Variants in NFIB observed in about 807,000 individuals in gnomAD.
NFIB encodes the protein nuclear factor 1 B-type.
NFIB carries 11 observed loss-of-function variants against 61.5 expected under a neutral mutation model. The observed-to-expected ratio is 0.18, with a 90% CI of 0.11 to 0.30. The LOEUF (loss-of-function observed/expected upper bound fraction) is 0.30, where lower values mean the gene tolerates loss of function less well. Among genes scored for constraint, NFIB ranks in the 10% least tolerant of loss-of-function variants. The probability of loss-of-function intolerance (pLI) is 1.00; values close to 1 mark genes in which losing one functional copy is unlikely to be tolerated. For missense variants in NFIB, 471 were observed against 608.9 expected (o/e 0.77, Z 2.38); for synonymous variants, 260 against 216.5 (o/e 1.20, Z -1.76).
At chr9:14,308,245 C>T (rs765866670) in intron 1 of NFIB, among the ~76,000 whole-genome samples, 4 of 152,130 alleles carry the variant, frequency 2.6e-5, no homozygotes, top group Admixed American at 1.3e-4. Flanking sequence ...GGACACAGCT[C>T]GTCGTATCAG....
rs958394596 is a variant in NFIB, at chr9:14,088,039, G to T, written c.*270C>A. On this transcript the variant is annotated 3_prime_UTR_variant, in exon 11 of 11. Transcript: ENST00000380953. ...TGTCATTACAGTTTCAACCTTAAGG[G>T]AATTAGTGATTGTAAGTGCTGCAAT... The T allele has an allele frequency of 1.7e-6, 1 of 577,632 alleles. No individual in the cohort carries two copies. 35.8% of individuals were successfully genotyped at this position (577,632 alleles called of 1,614,324 possible).
the NFIB span, among the ~76,000 whole-genome samples, chr9:14,509,024 G>C: frequency 6.6e-6 from 1 of 152,190 alleles, no homozygotes; most frequent in East Asian, 1.9e-4. Flanking sequence ...CCAGGAAATG[G>C]AATACATTCT....
Position 14,313,969 on chromosome 9 carries a change from C to T in NFIB, c.-458G>A. Reference sequence around the variant, plus strand: ...GCGGGGAGGGGGGCGCGGGAGGGCGCAGGAGGGCGAGCGGGCGGGCGGGAG... The same window carrying T: ...GCGGGGAGGGGGGCGCGGGAGGGCGTAGGAGGGCGAGCGGGCGGGCGGGAG... On this transcript the variant is annotated 5_prime_UTR_variant, in exon 1 of 11. Transcript: ENST00000380953. This position sits in a 1 kb window ranked among gnomAD's most constrained non-coding sequence, Gnocchi z 4.5. 4 of 745,804 alleles carry T rather than the reference C, an allele frequency of 5.4e-6. No individual in the cohort carries two copies. Among genetic ancestry groups the T allele is most frequent in the Non-Finnish European group, 5.9e-6 (4 of 672,760 alleles). 46.2% of individuals were successfully genotyped at this position (745,804 alleles called of 1,614,324 possible).
At chr9:14,170,875 C>A (rs565894437) in intron 3 of NFIB, among the ~76,000 whole-genome samples, 1 of 152,150 alleles carries the variant, frequency 6.6e-6, no homozygotes, top group South Asian at 2.1e-4. Flanking sequence ...TGCAAGCCCT[C>A]TTGGAAGTTT....
At chr9:14,216,534 CTCTCTCTCCCTCTG>C (rs2050920767) in intron 2 of NFIB, among the ~76,000 whole-genome samples, 20 of 34,566 alleles carry the variant, frequency 5.8e-4, no homozygotes, top group African/African-American at 1.7e-3. Context: ...CTCTCTCTCT[CTCTCTCTCCCTCTG>C]TGTGTGTGTG....
intron 2 of NFIB, among the ~76,000 whole-genome samples, chr9:14,294,321 A>G (rs1387054230): frequency 6.6e-6 from 1 of 152,226 alleles, no homozygotes; most frequent in Non-Finnish European, 1.5e-5. Flanking sequence ...AGAAATATGC[A>G]AGCATCTCTG....
chr9:14,407,193 TAATGC>T, the NFIB span, among the ~76,000 whole-genome samples: 23 of 152,194 alleles, frequency 1.5e-4, no homozygotes, highest in Non-Finnish European at 2.5e-4. Flanking sequence ...TTAGGTTAAA[TAATGC>T]CCTTAGGATA....
chr9:14,150,118 G>T, intron 5 of NFIB, 27 bp downstream of exon 5: 1 of 1,612,728 alleles, frequency 6.2e-7, no homozygotes, highest in Non-Finnish European at 8.5e-7. Context: ...TATCACTTGA[G>T]AATATGAGCA....
the NFIB span, among the ~76,000 whole-genome samples, chr9:14,475,607 T>C: frequency 1.3e-5 from 2 of 152,022 alleles, no homozygotes; most frequent in Non-Finnish European, 2.9e-5. Flanking sequence ...ACACCCACAT[T>C]AGCTCCCACT....
intron 2 of NFIB, among the ~76,000 whole-genome samples, chr9:14,239,135 A>C (rs1360033835): frequency 6.6e-6 from 1 of 152,240 alleles, no homozygotes; most frequent in Non-Finnish European, 1.5e-5. Context: ...ATTTGTCCTA[A>C]AGAACAAATT....
intron 3 of NFIB, among the ~76,000 whole-genome samples, chr9:14,158,892 C>G (rs760634672): frequency 2.0e-5 from 3 of 152,086 alleles, no homozygotes; most frequent in Non-Finnish European, 4.4e-5. Context: ...AGTAAGAGCC[C>G]AAAAATATTT....
intron 6 of NFIB, among the ~76,000 whole-genome samples, chr9:14,145,660 T>A (rs2042200383): frequency 6.6e-6 from 1 of 150,910 alleles, no homozygotes; most frequent in South Asian, 2.1e-4. Context: ...CTTTTTTTTT[T>A]TTTTTTTTGA....
At chr9:14,099,686 T>C (rs764449074) in intron 10 of NFIB, among the ~76,000 whole-genome samples, 18 of 152,234 alleles carry the variant, frequency 1.2e-4, no homozygotes, top group Non-Finnish European at 2.5e-4. Flanking sequence ...CAGCTCACCA[T>C]AAAGATTCAA....
At chr9:14,106,150 T>C (rs566520382) in intron 10 of NFIB, among the ~76,000 whole-genome samples, 2 of 152,126 alleles carry the variant, frequency 1.3e-5, no homozygotes, top group African/African-American at 2.4e-5. Flanking sequence ...AAATTTAAAA[T>C]ACCAAGTGCC....
intron 1 of NFIB, among the ~76,000 whole-genome samples, chr9:14,332,225 C>T (rs571200191): frequency 4.1e-4 from 60 of 147,492 alleles, no homozygotes; most frequent in Middle Eastern, 3.6e-3. Flanking sequence ...CCCAGCTATT[C>T]GGGAGGCTGA....
intron 2 of NFIB, among the ~76,000 whole-genome samples, chr9:14,233,259 T>C (rs907943246): frequency 6.6e-6 from 1 of 152,154 alleles, no homozygotes; most frequent in Non-Finnish European, 1.5e-5. Context: ...ATAGTTAAAC[T>C]ATTTATATCC....
At chr9:14,203,583 C>T (rs1398158639) in intron 2 of NFIB, among the ~76,000 whole-genome samples, 2 of 152,208 alleles carry the variant, frequency 1.3e-5, no homozygotes, top group East Asian at 1.9e-4. Context: ...GCTCTCCGCG[C>T]GGGCAGGATC....
In NFIB at chr9:14,233,888, T is replaced by C. The variant is rs188588830; in HGVS notation, c.563-54108A>G. On this transcript the variant is annotated intron_variant, in intron 2 of 10. Transcript: ENST00000380953. The stretch of plus-strand genomic sequence containing the variant: ...CTGAAATAATAACTCTGAGGGCAGT[T>C]TTGTCACCATCAGCACTCATTCCAA... Among the ~76,000 whole-genome samples, 69 of 152,356 alleles carry C rather than the reference T, an allele frequency of 4.5e-4. No individual in the cohort carries two copies. The Middle Eastern group carries it at 0.014, about 30-fold the overall frequency.
chr9:14,387,476 T>C (rs1425030153), intron 1 of NFIB, among the ~76,000 whole-genome samples: 1 of 152,168 alleles, frequency 6.6e-6, no homozygotes, highest in East Asian at 1.9e-4. Flanking sequence ...ACCTACACAA[T>C]ATTAGCATCC....
Sources: allele counts gnomAD v4.1 joint callset (sites outside exome capture counted in the v4.1 genomes callset), GRCh38; gene constraint gnomAD v4.1.1; non-coding constraint Gnocchi (gnomAD v3.1); transcripts MANE v1.5; gene names NCBI Gene and HGNC (gene_info 2026-07-23, HGNC 2026-07-21).